FMNL2: variants seen among roughly 807,000 people sequenced by gnomAD.
The protein encoded by FMNL2 is formin like 2.
Under a neutral mutation model 130.2 loss-of-function variants are expected in FMNL2, and 51 were observed. The observed-to-expected ratio is 0.39, with a 90% CI of 0.31 to 0.49. FMNL2 has a LOEUF of 0.49. FMNL2 is among the 20% of genes least tolerant of loss of function. The pLI is 0.85. For synonymous variants in FMNL2, 465 were observed against 467.1 expected (o/e 1.00, Z 0.06); for missense variants, 977 against 1,316.2 (o/e 0.74, Z 3.99).
chr2:152,495,701 C>T (rs1243076935), intron 1 of FMNL2, among the ~76,000 whole-genome samples: 1 of 146,558 alleles, frequency 6.8e-6, no homozygotes, highest in African/African-American at 2.5e-5. Context: ...TTTTACACCT[C>T]CTAGTTGAGA....
chr2:152,586,927 CTT>C (rs1697112933), intron 9 of FMNL2, among the ~76,000 whole-genome samples: 1 of 152,088 alleles, frequency 6.6e-6, no homozygotes, highest in Admixed American at 6.5e-5. Flanking sequence ...ATTGTCTCTT[CTT>C]TGTTTTGTCT....
In FMNL2 at chr2:152,580,971, C is replaced by T; in HGVS notation, c.798C>T (p.Val266=). ...NNKNPRTKAL[V]LELLAAVCLV... ...GTTTTGGCAGAACAAAAGCCCTTGT[C>T]TTAGAACTGTTGGCAGCCGTTTGTC... is the stretch of plus-strand genomic sequence containing the variant. The change falls in exon 9 of 26, where the codon GTC becomes GTT. Residue 266 remains valine (V), a synonymous_variant. Coordinates refer to ENST00000288670, the MANE Select transcript of FMNL2 (RefSeq NM_052905.4). The T allele has an allele frequency of 6.2e-7, 1 of 1,613,744 alleles. No individual in the cohort carries two copies. The highest frequency in any genetic ancestry group is 8.5e-7 in the Non-Finnish European group (1 of 1,179,824).
intron 1 of FMNL2, among the ~76,000 whole-genome samples, chr2:152,369,288 G>T (rs915724599): frequency 9.2e-5 from 14 of 152,196 alleles, no homozygotes; most frequent in Admixed American, 8.5e-4. Flanking sequence ...TTTACACAAG[G>T]TTGTAGGGTC....
intron 1 of FMNL2, among the ~76,000 whole-genome samples, chr2:152,500,668 C>T (rs1351491447): frequency 1.3e-5 from 2 of 152,056 alleles, no homozygotes; most frequent in African/African-American, 2.4e-5. Flanking sequence ...GCCAACATGG[C>T]GAAACCCTGT....
chr2:152,458,944 C>T (rs1352064269), intron 1 of FMNL2, among the ~76,000 whole-genome samples: 1 of 152,134 alleles, frequency 6.6e-6, no homozygotes, highest in African/African-American at 2.4e-5. Context: ...TGTGCACCAT[C>T]GTTTTGGAAC....
chr2:152,391,908 G>GT (rs10584642), intron 1 of FMNL2, among the ~76,000 whole-genome samples: 72,741 of 109,660 alleles, frequency 0.66, 25,334 homozygotes, highest in Non-Finnish European at 0.78. Flanking sequence ...GCTAGAAGTT[G>GT]TTTTTTTTTT....
intron 20 of FMNL2, among the ~76,000 whole-genome samples, chr2:152,631,392 CAAAAAAAAAA>C (rs33966314): frequency 3.9e-5 from 3 of 77,248 alleles, no homozygotes; most frequent in South Asian, 5.1e-4. Context: ...GACTCCATCT[CAAAAAAAAAA>C]AAAAAAAAAA....
intron 25 of FMNL2, chr2:152,643,305 C>T (rs1315042681): frequency 1.4e-6 from 2 of 1,419,680 alleles, no homozygotes; most frequent in South Asian, 1.3e-5. Context: ...TGCCCATCTT[C>T]CCCACCCCCA....
Position 152,648,308 on chromosome 2 carries a change from A to ATTTTG in FMNL2, c.*408_*412dup, listed in dbSNP as rs1177758575. 6.2e-6 allele frequency: 1 copy of ATTTTG among 162,530 alleles called. No individual in the cohort carries two copies. Among genetic ancestry groups the ATTTTG allele is most frequent in the African/African-American group, 2.4e-5 (1 of 41,776 alleles). The allele number at this position is 162,530 out of a possible 1,614,324, so 10.1% of individuals were successfully genotyped here. ...CCTTTGCTGAGATGTCTTCGAAGGAATTTTGTTTTAGCCATATCCATCAAC... is the reference window on the plus strand; with the variant it reads ...CCTTTGCTGAGATGTCTTCGAAGGAATTTTGTTTTGTTTTAGCCATATCCATCAAC... On this transcript the variant is annotated 3_prime_UTR_variant, in exon 26 of 26. Transcript: ENST00000288670.
chr2:152,434,044 G>A (rs777997166), intron 1 of FMNL2, among the ~76,000 whole-genome samples: 6 of 152,230 alleles, frequency 3.9e-5, no homozygotes, highest in Non-Finnish European at 8.8e-5. Context: ...ACATTTATGA[G>A]GGGAAAGTTG....
At chr2:152,516,622 A>G (rs1023245008) in intron 1 of FMNL2, among the ~76,000 whole-genome samples, 3 of 152,210 alleles carry the variant, frequency 2.0e-5, no homozygotes, top group Non-Finnish European at 2.9e-5. Context: ...GTGTGTCTCC[A>G]TATCACTGTG....
chr2:152,618,315 A>G (rs193111817), intron 13 of FMNL2, among the ~76,000 whole-genome samples: 7 of 152,340 alleles, frequency 4.6e-5, no homozygotes, highest in African/African-American at 1.7e-4. Context: ...AGCTTGGTCA[A>G]GGGGGCGTTG....
intron 1 of FMNL2, among the ~76,000 whole-genome samples, chr2:152,336,534 G>T (rs1241883104): frequency 6.6e-6 from 1 of 152,108 alleles, no homozygotes; most frequent in Non-Finnish European, 1.5e-5. Context: ...CAGCTTTCCA[G>T]CTCCTCAAAT....
intron 9 of FMNL2, among the ~76,000 whole-genome samples, chr2:152,586,805 GTC>G (rs1697103268): frequency 6.6e-6 from 1 of 152,032 alleles, no homozygotes; most frequent in South Asian, 2.1e-4. Flanking sequence ...AACTTTTTTT[GTC>G]TGTTTATCAA....
chr2:152,545,192 G>GA (rs1387644316), intron 3 of FMNL2, among the ~76,000 whole-genome samples: 1 of 151,938 alleles, frequency 6.6e-6, no homozygotes, highest in Non-Finnish European at 1.5e-5. Flanking sequence ...TTAAAGCCTG[G>GA]AAAAAAAGGA....
At chr2:152,602,235 T>C (rs1327110390) in intron 9 of FMNL2, among the ~76,000 whole-genome samples, 1 of 152,214 alleles carries the variant, frequency 6.6e-6, no homozygotes, top group Non-Finnish European at 1.5e-5. Context: ...GACTGAAGTC[T>C]CTGGTCCAGG....
intron 1 of FMNL2, among the ~76,000 whole-genome samples, chr2:152,412,451 T>TATACAGATATATATA (rs1223301197): frequency 8.3e-4 from 5 of 6,028 alleles, no homozygotes; most frequent in South Asian, 4.0e-3. Context: ...ATATTTTATA[T>TATACAGATATATATA]ATATATATAT....
At chr2:152,380,655 A>G (rs1684411679) in intron 1 of FMNL2, among the ~76,000 whole-genome samples, 1 of 152,110 alleles carries the variant, frequency 6.6e-6, no homozygotes, top group African/African-American at 2.4e-5. Flanking sequence ...CGCTGTACCT[A>G]CCCTTCTAGG....
At chr2:152,362,823 A>T (rs543794818) in intron 1 of FMNL2, among the ~76,000 whole-genome samples, 4 of 152,198 alleles carry the variant, frequency 2.6e-5, no homozygotes, top group Non-Finnish European at 4.4e-5. Flanking sequence ...CAAATGTAGT[A>T]TATATTCATA....
Sources: allele counts gnomAD v4.1 joint callset (sites outside exome capture counted in the v4.1 genomes callset), GRCh38; gene constraint gnomAD v4.1.1; transcripts MANE v1.5; gene names NCBI Gene and HGNC (gene_info 2026-07-23, HGNC 2026-07-21).